ASTN2: variants seen among roughly 807,000 people sequenced by gnomAD.
ASTN2 encodes the protein astrotactin-2.
ASTN2 carries 54 observed loss-of-function variants against 139.8 expected under a neutral mutation model. The ratio of observed to expected loss-of-function variants is 0.39; its 90% confidence interval spans 0.31 to 0.48. The LOEUF is 0.48. Ranked by LOEUF, ASTN2 falls within the 20% of genes least tolerant of loss-of-function variation. The probability of loss-of-function intolerance (pLI) is 0.95; values close to 1 mark genes in which losing one functional copy is unlikely to be tolerated. For synonymous variants in ASTN2, 756 were observed against 719.5 expected (o/e 1.05, Z -0.81); for missense variants, 1,565 against 1,725.1 (o/e 0.91, Z 1.64).
At chr9:117,165,558 A>G (rs985246201) in intron 3 of ASTN2, among the ~76,000 whole-genome samples, 2 of 152,116 alleles carry the variant, frequency 1.3e-5, no homozygotes, top group African/African-American at 4.8e-5. Context: ...GAAGTCCAAC[A>G]GTTAACTCAT....
intron 1 of ASTN2, among the ~76,000 whole-genome samples, chr9:117,327,168 G>A (rs559042665): frequency 1.3e-5 from 2 of 152,296 alleles, no homozygotes; most frequent in South Asian, 4.1e-4. Flanking sequence ...TCTGACAGGA[G>A]ATGGAGCTCA....
At chr9:116,826,322 G>A (rs1009330391) in intron 11 of ASTN2, among the ~76,000 whole-genome samples, 2 of 152,174 alleles carry the variant, frequency 1.3e-5, no homozygotes, top group African/African-American at 4.8e-5. Context: ...ACCTGAGAAG[G>A]ACCCCATCCT....
intron 11 of ASTN2, among the ~76,000 whole-genome samples, chr9:116,826,631 C>T (rs1401930798): frequency 6.6e-6 from 1 of 152,172 alleles, no homozygotes; most frequent in African/African-American, 2.4e-5. Flanking sequence ...CCACACTACA[C>T]TAGCTTCCCA....
intron 1 of ASTN2, among the ~76,000 whole-genome samples, chr9:117,398,319 T>C (rs1025945942): frequency 6.6e-5 from 10 of 152,130 alleles, no homozygotes; most frequent in Non-Finnish European, 2.9e-5. Context: ...ATATTGTACA[T>C]GGAGAATGGA....
chr9:117,016,646 A>AACC (rs1564386008), intron 6 of ASTN2, among the ~76,000 whole-genome samples: 3 of 102,418 alleles, frequency 2.9e-5, no homozygotes, highest in African/African-American at 8.4e-5. Context: ...ATATATATAT[A>AACC]TATATATATA....
In ASTN2 at chr9:117,107,006, T is replaced by C. The variant is rs1463928044; in HGVS notation, c.1169-10855A>G. Among the ~76,000 whole-genome samples, 5 of 152,206 alleles carry C rather than the reference T, an allele frequency of 3.3e-5. No homozygotes were observed. The East Asian group carries it at 9.6e-4, about 29-fold the overall frequency. The stretch of plus-strand genomic sequence containing the variant: ...TATACCCAAATGATACTGGTGATTT[T>C]CTCTGAATATTGAGATATTCTTCTT... On this transcript the variant is annotated intron_variant, in intron 4 of 22. Transcript: ENST00000313400.
At chr9:116,620,206 T>G in intron 18 of ASTN2, 104 bp downstream of exon 18, 2 of 1,534,136 alleles carry the variant, frequency 1.3e-6, no homozygotes, top group Non-Finnish European at 1.8e-6. Context: ...AGGATCTTGT[T>G]AGGCACCTTG....
chr9:117,246,869 T>C (rs1833397701), intron 2 of ASTN2, among the ~76,000 whole-genome samples: 1 of 152,154 alleles, frequency 6.6e-6, no homozygotes, highest in Admixed American at 6.5e-5. Context: ...AGGGTGTATC[T>C]GCAAAACTAT....
rs551253712 is a variant in ASTN2, at chr9:116,693,142, G to A, written c.2806+32629C>T. 9.9e-5 allele frequency among the ~76,000 whole-genome samples: 15 copies of A among 152,182 alleles called. No individual in the cohort carries two copies. The South Asian group carries it at 2.9e-3, about 30-fold the overall frequency. ...CTAGTTATTGTTAATGCTGTTTCTG[G>A]TTATTATTTATTTAGCATCCTTTTA... On this transcript the variant is annotated intron_variant, in intron 16 of 22. Coordinates refer to ENST00000313400, the MANE Select transcript of ASTN2 (RefSeq NM_001365068.1).
chr9:116,699,872 C>G lies in ASTN2; in HGVS notation c.2806+25899G>C, dbSNP rs370691123. On this transcript the variant is annotated intron_variant, in intron 16 of 22. Transcript: ENST00000313400. The surrounding 1 kb of genome is among the most constrained non-coding windows in gnomAD (Gnocchi z 4.2). The stretch of plus-strand genomic sequence containing the variant: ...TTTAATGTTTTTATTTGTTATGTCC[C>G]CCTCCCCGCTTCCCACCTAAATTTA... 1 of 888,358 alleles carries G rather than the reference C, an allele frequency of 1.1e-6. No individual in the cohort carries two copies. Among genetic ancestry groups the G allele is most frequent in the African/African-American group, 1.7e-5 (1 of 58,998 alleles). 55.0% of individuals were successfully genotyped at this position (888,358 alleles called of 1,614,324 possible).
In ASTN2 at chr9:117,347,806, C is replaced by T. The variant is rs192460004; in HGVS notation, c.443-56293G>A. Among the ~76,000 whole-genome samples the T allele has an allele frequency of 2.3e-3, 354 of 152,282 alleles. 2 individuals carry two copies. The highest frequency in any genetic ancestry group is 0.018 in the Admixed American group (282 of 15,292). Reference sequence around the variant, plus strand: ...AGACACATCTGACCTCACATCTCTCCTTGTGCAAAGTCCCCAGCACTGGAT... The same window carrying T: ...AGACACATCTGACCTCACATCTCTCTTTGTGCAAAGTCCCCAGCACTGGAT... On this transcript the variant is annotated intron_variant, in intron 1 of 22. Coordinates refer to ENST00000313400, the MANE Select transcript of ASTN2 (RefSeq NM_001365068.1).
chr9:117,067,037 T>A (rs1219577473), intron 5 of ASTN2, among the ~76,000 whole-genome samples: 4 of 91,630 alleles, frequency 4.4e-5, no homozygotes, highest in African/African-American at 1.6e-4. Flanking sequence ...AATTTTGTCT[T>A]TTGTTGCCAT....
chr9:116,812,507 G>A (rs1564281276), intron 12 of ASTN2, among the ~76,000 whole-genome samples: 1 of 152,120 alleles, frequency 6.6e-6, no homozygotes, highest in Non-Finnish European at 1.5e-5. Context: ...CTTCCCCTAA[G>A]GCCTCCAGAA....
chr9:116,847,105 T>C (rs1832462459), intron 11 of ASTN2, among the ~76,000 whole-genome samples: 1 of 151,874 alleles, frequency 6.6e-6, no homozygotes, highest in Non-Finnish European at 1.5e-5. Context: ...ATTCTTATAG[T>C]TCTCAAGGTT....
chr9:116,991,412 A>C (rs114595026), intron 7 of ASTN2, among the ~76,000 whole-genome samples: 52 of 151,442 alleles, frequency 3.4e-4, no homozygotes, highest in African/African-American at 1.2e-3. Flanking sequence ...CCATTTCATC[A>C]TGATTAAGTC....
intron 10 of ASTN2, among the ~76,000 whole-genome samples, chr9:116,900,167 A>C (rs1385452428): frequency 6.6e-6 from 1 of 152,220 alleles, no homozygotes; most frequent in Non-Finnish European, 1.5e-5. Context: ...CTGCTGTTTC[A>C]GTAAATTGAC....
At chr9:117,004,826 G>A (rs191762124) in intron 7 of ASTN2, among the ~76,000 whole-genome samples, 1 of 152,246 alleles carries the variant, frequency 6.6e-6, no homozygotes, top group East Asian at 1.9e-4. Context: ...TTCTAATCCT[G>A]GCTTCACTTG....
chr9:116,747,138 C>T (rs531422967), intron 13 of ASTN2, among the ~76,000 whole-genome samples: 2 of 152,312 alleles, frequency 1.3e-5, no homozygotes, highest in East Asian at 1.9e-4. Flanking sequence ...TCGTTTACGA[C>T]GTGCTAGACA....
chr9:117,254,479 G>T (rs893299698), intron 2 of ASTN2, among the ~76,000 whole-genome samples: 5 of 152,170 alleles, frequency 3.3e-5, no homozygotes, highest in African/African-American at 9.6e-5. Flanking sequence ...ACCTCTGAAG[G>T]GTGAGACCCA....
Sources: allele counts gnomAD v4.1 joint callset (sites outside exome capture counted in the v4.1 genomes callset), GRCh38; gene constraint gnomAD v4.1.1; non-coding constraint Gnocchi (gnomAD v3.1); transcripts MANE v1.5; gene names NCBI Gene and HGNC (gene_info 2026-07-23, HGNC 2026-07-21).